MMP16: variants seen among roughly 807,000 people sequenced by gnomAD.
MMP16 encodes the protein matrix metalloproteinase-16.
Under a neutral mutation model 67.8 loss-of-function variants are expected in MMP16, and 12 were observed. The observed-to-expected ratio is 0.18, with a 90% CI of 0.11 to 0.29. MMP16 has a LOEUF of 0.29. Among genes scored for constraint, MMP16 ranks in the 10% least tolerant of loss-of-function variants. MMP16 has a pLI of 1.00. For missense variants in MMP16, 475 were observed against 765.7 expected (o/e 0.62, Z 4.48); for synonymous variants, 249 against 255.9 (o/e 0.97, Z 0.26).
At chr8:88,150,875 A>G (rs1471994231) in intron 4 of MMP16, among the ~76,000 whole-genome samples, 11 of 144,554 alleles carry the variant, frequency 7.6e-5, no homozygotes, top group African/African-American at 2.6e-4. Flanking sequence ...TTAACTTTAA[A>G]TGTAAATGGA....
At chr8:88,159,582 G>A (rs1808576723) in intron 4 of MMP16, among the ~76,000 whole-genome samples, 1 of 152,114 alleles carries the variant, frequency 6.6e-6, no homozygotes, top group African/African-American at 2.4e-5. Context: ...TGCAAACAGG[G>A]ACAATTTGAC....
At chr8:88,090,193 G>T (rs377501128) in intron 6 of MMP16, among the ~76,000 whole-genome samples, 2 of 151,740 alleles carry the variant, frequency 1.3e-5, no homozygotes, top group South Asian at 2.1e-4. Context: ...TTTATTGTGG[G>T]GTTGAGAAAG....
intron 1 of MMP16, among the ~76,000 whole-genome samples, chr8:88,322,257 G>T (rs1013896195): frequency 6.6e-6 from 1 of 152,108 alleles, no homozygotes; most frequent in South Asian, 2.1e-4. Flanking sequence ...TGTAAAAGAA[G>T]GTGTGAGCTG....
chr8:88,162,215 C>G lies in MMP16; in HGVS notation c.709+5454G>C, dbSNP rs1201278459. 2.6e-5 allele frequency among the ~76,000 whole-genome samples: 4 copies of G among 151,856 alleles called. No homozygotes were observed. The East Asian group carries it at 7.8e-4, about 29-fold the overall frequency. ...AACCAAGTAGAGACTGCGCAGTAAT[C>G]ATGTAAGGCTATGTAACTGAAAGGT... On this transcript the variant is annotated intron_variant, in intron 4 of 9. Coordinates refer to ENST00000286614, the MANE Select transcript of MMP16 (RefSeq NM_005941.5).
intron 1 of MMP16, among the ~76,000 whole-genome samples, chr8:88,236,311 A>G (rs538094923): frequency 6.6e-6 from 1 of 152,366 alleles, no homozygotes; most frequent in African/African-American, 2.4e-5. Flanking sequence ...ATACTCCCTT[A>G]GGTTTCTGTG....
chr8:88,247,275 C>T (rs1243062070), intron 1 of MMP16, among the ~76,000 whole-genome samples: 1 of 152,126 alleles, frequency 6.6e-6, no homozygotes, highest in Non-Finnish European at 1.5e-5. Context: ...ATTGTGATAA[C>T]TCAAGTATAA....
chr8:88,308,784 T>G (rs1811250259), intron 1 of MMP16, among the ~76,000 whole-genome samples: 1 of 152,050 alleles, frequency 6.6e-6, no homozygotes, highest in African/African-American at 2.4e-5. Context: ...TTAAAAAACA[T>G]TAACAAAATC....
intron 4 of MMP16, among the ~76,000 whole-genome samples, chr8:88,135,117 T>C (rs1182584935): frequency 1.3e-5 from 2 of 151,764 alleles, no homozygotes; most frequent in Non-Finnish European, 2.9e-5. Context: ...CCTTTACAAG[T>C]TCCTAATCAA....
At chr8:88,273,556 A>C (rs1299848524) in intron 1 of MMP16, among the ~76,000 whole-genome samples, 1 of 152,142 alleles carries the variant, frequency 6.6e-6, no homozygotes, top group African/African-American at 2.4e-5. Flanking sequence ...AAATTGAGTA[A>C]ATTTTTAAAA....
intron 1 of MMP16, among the ~76,000 whole-genome samples, chr8:88,313,705 TAA>T (rs1341388083): frequency 2.6e-5 from 4 of 152,166 alleles, no homozygotes; most frequent in Admixed American, 2.6e-4. Flanking sequence ...ACACTGCTGA[TAA>T]AGACATACCC....
intron 4 of MMP16, among the ~76,000 whole-genome samples, chr8:88,156,547 T>A (rs949468964): frequency 2.0e-5 from 3 of 152,160 alleles, no homozygotes; most frequent in African/African-American, 7.2e-5. Flanking sequence ...TTGTTTACAT[T>A]GTAAGAAATT....
chr8:88,076,099 T>C (rs1448569157), intron 6 of MMP16, among the ~76,000 whole-genome samples: 2 of 152,170 alleles, frequency 1.3e-5, no homozygotes, highest in East Asian at 1.9e-4. Context: ...GTAGTTATCA[T>C]GCACTGTCTT....
intron 1 of MMP16, among the ~76,000 whole-genome samples, chr8:88,322,095 G>T (rs1811468683): frequency 6.6e-6 from 1 of 152,078 alleles, no homozygotes; most frequent in Admixed American, 6.6e-5. Context: ...TAACAGAGCT[G>T]GCTTAAGTTT....
chr8:88,217,786 GA>G (rs1330306701), intron 1 of MMP16, among the ~76,000 whole-genome samples: 1 of 151,920 alleles, frequency 6.6e-6, no homozygotes, highest in African/African-American at 2.4e-5. Flanking sequence ...GAGAAAAATA[GA>G]AATTAACATA....
chr8:88,081,319 C>A (rs1172303171), intron 6 of MMP16, among the ~76,000 whole-genome samples: 8 of 152,168 alleles, frequency 5.3e-5, no homozygotes, highest in African/African-American at 7.2e-5. Context: ...CTGACTCATT[C>A]TTTTAGTCAT....
chr8:88,213,589 A>G (rs1809544414), intron 1 of MMP16, among the ~76,000 whole-genome samples: 1 of 152,180 alleles, frequency 6.6e-6, no homozygotes, highest in Non-Finnish European at 1.5e-5. Context: ...GCAAAGATAG[A>G]AGAATGATCA....
chr8:88,087,764 T>C (rs1808858696), intron 6 of MMP16, among the ~76,000 whole-genome samples: 1 of 151,584 alleles, frequency 6.6e-6, no homozygotes, highest in South Asian at 2.1e-4. Context: ...GACAACATAG[T>C]GAGATCCTGT....
At chr8:88,287,742 T>C (rs1810855219) in intron 1 of MMP16, among the ~76,000 whole-genome samples, 1 of 152,206 alleles carries the variant, frequency 6.6e-6, no homozygotes, top group South Asian at 2.1e-4. Context: ...TGAGCAAAAC[T>C]AACATTTATT....
At chr8:88,092,936 G>C (rs1423678654) in intron 6 of MMP16, among the ~76,000 whole-genome samples, 2 of 151,756 alleles carry the variant, frequency 1.3e-5, no homozygotes, top group Non-Finnish European at 2.9e-5. Context: ...GTATCTCTTG[G>C]TGAAACTGGG....
Sources: gnomAD v4.1 joint callset for allele counts (sites outside exome capture counted in the v4.1 genomes callset) on GRCh38, gnomAD v4.1.1 for gene constraint, MANE v1.5 for transcripts, NCBI Gene and HGNC (gene_info 2026-07-23, HGNC 2026-07-21) for gene names.